IL7: variants seen among roughly 807,000 people sequenced by gnomAD.
IL7 encodes interleukin 7.
A neutral mutation model predicts 21.6 loss-of-function variants in IL7; 3 were observed. The observed-to-expected ratio is 0.14, with a 90% CI of 0.06 to 0.36. The LOEUF (loss-of-function observed/expected upper bound fraction) is 0.36, where lower values mean the gene tolerates loss of function less well. Ranked by LOEUF, IL7 falls within the 10% of genes least tolerant of loss-of-function variation. IL7 has a pLI of 1.00. For synonymous variants in IL7, 62 were observed against 68.1 expected (o/e 0.91, Z 0.44); for missense variants, 175 against 200.2 (o/e 0.87, Z 0.76).
intron 3 of IL7, among the ~76,000 whole-genome samples, chr8:78,702,083 G>A (rs1383265918): frequency 7.2e-5 from 11 of 152,140 alleles, no homozygotes; most frequent in Non-Finnish European, 1.6e-4. Flanking sequence ...GAATTCAGCT[G>A]TGAATCCATC....
chr8:78,703,536 CTTTT>C (rs35710652), intron 3 of IL7, among the ~76,000 whole-genome samples: 1 of 139,706 alleles, frequency 7.2e-6, no homozygotes, highest in South Asian at 2.3e-4. Context: ...TAATACCCTT[CTTTT>C]TTTTTTTTTT....
chr8:78,760,960 G>A, intron 2 of IL7: 1 of 1,571,332 alleles, frequency 6.4e-7, no homozygotes, highest in South Asian at 1.2e-5. Flanking sequence ...TAAAAGATAG[G>A]ACATTTTTAA....
downstream of IL7, among the ~76,000 whole-genome samples, chr8:78,732,554 A>G (rs1032692090): frequency 1.3e-5 from 2 of 152,134 alleles, no homozygotes; most frequent in African/African-American, 4.8e-5. Context: ...TAGTGTTTCC[A>G]TTTCCCTTTA....
chr8:78,802,352 A>G (rs186605244), intron 1 of IL7, among the ~76,000 whole-genome samples: 107 of 152,286 alleles, frequency 7.0e-4, no homozygotes, highest in African/African-American at 2.4e-3. Context: ...GGTAAGTACT[A>G]CAAGTTATTC....
intron 3 of IL7, among the ~76,000 whole-genome samples, chr8:78,695,255 G>T (rs1445278483): frequency 6.6e-6 from 1 of 152,172 alleles, no homozygotes; most frequent in Admixed American, 6.5e-5. Context: ...TAGTAAAATA[G>T]TGGGAAGTCT....
chr8:78,717,623 G>A, downstream of IL7: 1 of 1,062,992 alleles, frequency 9.4e-7, no homozygotes, highest in South Asian at 1.7e-5. Flanking sequence ...TAATTTTGAA[G>A]TGTAATCTTT....
At chr8:78,777,238 A>C (rs1258244645) in intron 2 of IL7, among the ~76,000 whole-genome samples, 1 of 152,114 alleles carries the variant, frequency 6.6e-6, no homozygotes, top group African/African-American at 2.4e-5. Flanking sequence ...AGTAATTTTC[A>C]TAAAATAGCT....
intron 2 of IL7, among the ~76,000 whole-genome samples, chr8:78,781,469 CT>C (rs1813328926): frequency 6.6e-6 from 1 of 152,244 alleles, no homozygotes; most frequent in African/African-American, 2.4e-5. Flanking sequence ...TTCTCCTTTG[CT>C]TATGAAGCTT....
intron 3 of IL7, among the ~76,000 whole-genome samples, chr8:78,703,421 A>C (rs1008850446): frequency 6.6e-6 from 1 of 152,180 alleles, no homozygotes; most frequent in African/African-American, 2.4e-5. Flanking sequence ...GTCTCATTGA[A>C]GGTCTCTAAG....
At chr8:78,786,502 A>G (rs1424223968) in intron 2 of IL7, among the ~76,000 whole-genome samples, 3 of 152,178 alleles carry the variant, frequency 2.0e-5, no homozygotes, top group Non-Finnish European at 4.4e-5. Context: ...ACTGTGCTAT[A>G]CCTTTATATG....
chr8:78,747,691 T>C (rs571029201), intron 2 of IL7, among the ~76,000 whole-genome samples: 4 of 152,336 alleles, frequency 2.6e-5, no homozygotes, highest in African/African-American at 7.2e-5. Flanking sequence ...TATTCTTTGA[T>C]CAAATATTTG....
At chr8:78,716,840 G>A (rs1811122322), downstream of IL7, among the ~76,000 whole-genome samples, 1 of 152,114 alleles carries the variant, frequency 6.6e-6, no homozygotes, top group Non-Finnish European at 1.5e-5. Flanking sequence ...TCTTGTGATA[G>A]TGAGTTCTCA....
chr8:78,761,855 A>G (rs1812572038), intron 2 of IL7: 6 of 1,611,790 alleles, frequency 3.7e-6, no homozygotes, highest in Non-Finnish European at 5.1e-6. Flanking sequence ...ACCTTCTGGG[A>G]TTTCATCAGC....
intron 2 of IL7, among the ~76,000 whole-genome samples, chr8:78,773,675 T>C (rs1385225926): frequency 6.6e-6 from 1 of 152,134 alleles, no homozygotes; most frequent in Non-Finnish European, 1.5e-5. Context: ...CAGTGAGTGG[T>C]AACCTAAGGA....
chr8:78,765,751 C>T (rs1812736452), intron 2 of IL7, among the ~76,000 whole-genome samples: 1 of 152,086 alleles, frequency 6.6e-6, no homozygotes, highest in Admixed American at 6.5e-5. Flanking sequence ...ACAGTACAGC[C>T]ACTTTGAAAG....
intron 3 of IL7, among the ~76,000 whole-genome samples, chr8:78,707,974 T>G (rs1330422967): frequency 6.6e-6 from 1 of 152,100 alleles, no homozygotes; most frequent in Non-Finnish European, 1.5e-5. Flanking sequence ...TCTAGCAGAA[T>G]GCCTAGGCTA....
chr8:78,773,728 G>A (rs1351713276), intron 2 of IL7, among the ~76,000 whole-genome samples: 6 of 152,118 alleles, frequency 3.9e-5, no homozygotes, highest in African/African-American at 1.4e-4. Flanking sequence ...GCCTTGGTTT[G>A]TGGCGATTAG....
intron 2 of IL7, chr8:78,762,228 T>C: frequency 1.9e-6 from 3 of 1,577,822 alleles, no homozygotes; most frequent in Non-Finnish European, 2.6e-6. Context: ...GTTCTACAGA[T>C]CATAGAGGTC....
intron 3 of IL7, among the ~76,000 whole-genome samples, chr8:78,705,078 G>A (rs10957898): frequency 0.21 from 32,607 of 151,962 alleles, 3,689 homozygotes; most frequent in Middle Eastern, 0.38. Flanking sequence ...GTTCCTGTCC[G>A]TATCCTGAAT....
Sources: gnomAD v4.1 joint callset for allele counts (sites outside exome capture counted in the v4.1 genomes callset) on GRCh38, gnomAD v4.1.1 for gene constraint, MANE v1.5 for transcripts, NCBI Gene and HGNC (gene_info 2026-07-23, HGNC 2026-07-21) for gene names.